Variants in SLC7A2 observed in about 807,000 individuals in gnomAD.
SLC7A2 encodes the protein solute carrier family 7 member 2.
SLC7A2 carries 48 observed loss-of-function variants against 58.9 expected under a neutral mutation model. That is an observed-to-expected ratio of 0.82 (90% CI 0.65 to 1.04). SLC7A2 has a LOEUF of 1.04. SLC7A2 is among the 50% of genes least tolerant of loss of function. SLC7A2 has a pLI of 0.00. For synonymous variants in SLC7A2, 363 were observed against 314.5 expected (o/e 1.15, Z -1.63); for missense variants, 1,029 against 818.8 (o/e 1.26, Z -3.13).
intron 2 of SLC7A2, among the ~76,000 whole-genome samples, chr8:17,505,590 T>C (rs183039992): frequency 6.6e-6 from 1 of 152,330 alleles, no homozygotes; most frequent in African/African-American, 2.4e-5. Context: ...TAGATTTCAA[T>C]GTCTTCCTAT....
At chr8:17,494,803 T>C (rs551695628), upstream of SLC7A2, among the ~76,000 whole-genome samples, 2 of 152,360 alleles carry the variant, frequency 1.3e-5, no homozygotes, top group Admixed American at 1.3e-4. Context: ...AGTCAAGAAC[T>C]AGTGTGTAAA....
At chr8:17,561,396 G>A (rs1301806335) in intron 10 of SLC7A2, among the ~76,000 whole-genome samples, 6 of 152,156 alleles carry the variant, frequency 3.9e-5, no homozygotes, top group Non-Finnish European at 1.5e-5. Context: ...AAAACCATCA[G>A]ATCTCGCTAG....
chr8:17,501,210 C>T lies in SLC7A2; in HGVS notation c.-68-1047C>T, dbSNP rs536937343. Among the ~76,000 whole-genome samples the T allele has an allele frequency of 3.3e-5, 5 of 152,122 alleles. No homozygotes were observed. The South Asian group carries it at 8.3e-4, about 25-fold the overall frequency. ...TGTAATTTTAGTATAGATGGGGTTT[C>T]ACCATGTTGCCCAGGTTGGTCTCGA... On this transcript the variant is annotated intron_variant, in intron 1 of 12. Transcript: ENST00000494857.
chr8:17,497,994 A>T (rs931264499), intron 1 of SLC7A2, among the ~76,000 whole-genome samples: 59 of 152,152 alleles, frequency 3.9e-4, no homozygotes, highest in African/African-American at 1.4e-3. Context: ...GGAGTAAGGT[A>T]TTGAGAGATT....
At chr8:17,495,420 A>T (rs1278108344), upstream of SLC7A2, among the ~76,000 whole-genome samples, 1 of 152,190 alleles carries the variant, frequency 6.6e-6, no homozygotes, top group African/African-American at 2.4e-5. Context: ...ATTAATGATA[A>T]TTTGCATAAG....
chr8:17,558,199 G>T lies in SLC7A2; in HGVS notation c.1196-96G>T, dbSNP rs549388795. ...GTTGACTTATCCTTGGTACTAAAAC[G>T]AAGTGGCAGTCAGATGTCCCTGACT... On this transcript the variant is annotated intron_variant, in intron 8 of 12. Coordinates refer to ENST00000494857, the MANE Select transcript of SLC7A2 (RefSeq NM_001370338.1). 5 of 736,804 alleles carry T rather than the reference G, an allele frequency of 6.8e-6. No individual in the cohort carries two copies. In the South Asian group the frequency reaches 8.2e-5, roughly 12 times the overall value. 45.6% of individuals were successfully genotyped at this position (736,804 alleles called of 1,614,324 possible).
intron 8 of SLC7A2, chr8:17,555,196 C>A: frequency 1.1e-6 from 1 of 923,290 alleles, no homozygotes; most frequent in Non-Finnish European, 1.6e-6. Context: ...AAAACAAAAT[C>A]ACTGATAAAA....
intron 2 of SLC7A2, among the ~76,000 whole-genome samples, chr8:17,521,312 C>T (rs1254746093): frequency 3.3e-5 from 5 of 152,182 alleles, no homozygotes; most frequent in African/African-American, 9.6e-5. Flanking sequence ...CAAAAAACCT[C>T]GTAAATGGCC....
At chr8:17,529,639 A>G (rs1263563395) in intron 2 of SLC7A2, among the ~76,000 whole-genome samples, 2 of 150,870 alleles carry the variant, frequency 1.3e-5, no homozygotes, top group African/African-American at 4.9e-5. Flanking sequence ...GGTTCAAGAG[A>G]TTCTCCTGCC....
At chr8:17,506,875 T>C (rs1278487166) in intron 2 of SLC7A2, among the ~76,000 whole-genome samples, 3 of 152,094 alleles carry the variant, frequency 2.0e-5, no homozygotes, top group African/African-American at 7.2e-5. Context: ...TCCAAGCATG[T>C]TGAAAAATCA....
At chr8:17,536,795 G>C (rs939425988) in intron 2 of SLC7A2, among the ~76,000 whole-genome samples, 1 of 152,130 alleles carries the variant, frequency 6.6e-6, no homozygotes, top group Non-Finnish European at 1.5e-5. Flanking sequence ...AGTAGAGTGG[G>C]GTGAAGCAGG....
rs1803220438 is a variant in SLC7A2, at chr8:17,565,370, CA to C, written c.*227del. 3.8e-6 allele frequency: 2 copies of C among 529,028 alleles called. No homozygotes were observed. The highest frequency in any genetic ancestry group is 6.7e-6 in the Non-Finnish European group (2 of 297,866). 32.8% of individuals were successfully genotyped at this position (529,028 alleles called of 1,614,324 possible). ...TCATTCATCAGTGATGAATAGCCCC[CA>C]AACAGTGGGAGTGTGTATGTATGTG... On this transcript the variant is annotated 3_prime_UTR_variant, in exon 13 of 13. Coordinates refer to ENST00000494857, the MANE Select transcript of SLC7A2 (RefSeq NM_001370338.1).
chr8:17,564,093 T>A (rs1012714774), intron 12 of SLC7A2, among the ~76,000 whole-genome samples: 8 of 152,188 alleles, frequency 5.3e-5, no homozygotes, highest in Non-Finnish European at 1.2e-4. Flanking sequence ...ACACAGTCAG[T>A]GTGGCTGTTA....
chr8:17,542,710 C>T (rs1229543853), intron 2 of SLC7A2, among the ~76,000 whole-genome samples: 1 of 151,674 alleles, frequency 6.6e-6, no homozygotes, highest in Non-Finnish European at 1.5e-5. Flanking sequence ...GAGACAGAAC[C>T]CAAAAGATGA....
At chr8:17,523,586 A>G (rs917961247) in intron 2 of SLC7A2, among the ~76,000 whole-genome samples, 1 of 152,014 alleles carries the variant, frequency 6.6e-6, no homozygotes. Context: ...CTGGATCCTC[A>G]TCTCTCAACT....
At chr8:17,557,601 C>A (rs965552545) in intron 8 of SLC7A2, among the ~76,000 whole-genome samples, 6 of 152,172 alleles carry the variant, frequency 3.9e-5, no homozygotes, top group African/African-American at 1.4e-4. Context: ...GAGGCCGAGG[C>A]CAGTGGATCA....
intron 2 of SLC7A2, among the ~76,000 whole-genome samples, chr8:17,536,830 C>T (rs1563458136): frequency 1.3e-5 from 2 of 152,234 alleles, no homozygotes; most frequent in South Asian, 4.1e-4. Context: ...TCTTGACCTT[C>T]GCCATTAGCT....
intron 2 of SLC7A2, among the ~76,000 whole-genome samples, chr8:17,524,523 T>A (rs1200431871): frequency 6.6e-6 from 1 of 151,930 alleles, no homozygotes; most frequent in Non-Finnish European, 1.5e-5. Flanking sequence ...TGGATGGAAT[T>A]GGATACTATC....
At chr8:17,542,591 C>T (rs1027981289) in intron 2 of SLC7A2, among the ~76,000 whole-genome samples, 27 of 151,104 alleles carry the variant, frequency 1.8e-4, no homozygotes, top group African/African-American at 6.5e-4. Context: ...GTTGAGGCTT[C>T]AGTGAGCTAT....
Sources: gnomAD v4.1 joint callset for allele counts (sites outside exome capture counted in the v4.1 genomes callset) on GRCh38, gnomAD v4.1.1 for gene constraint, MANE v1.5 for transcripts, NCBI Gene and HGNC (gene_info 2026-07-23, HGNC 2026-07-21) for gene names.